Variants in SRPRB observed in about 807,000 individuals in gnomAD.
SRPRB encodes the protein signal recognition particle receptor subunit beta.
In SRPRB, 20 loss-of-function variants were observed where a neutral mutation model predicts 31.9. The ratio of observed to expected loss-of-function variants is 0.63; its 90% CI spans 0.44 to 0.91. The LOEUF is 0.91. Ranked by LOEUF, SRPRB falls within the 40% of genes least tolerant of loss-of-function variation. The probability of loss-of-function intolerance (pLI) is 0.00; values close to 1 mark genes in which losing one functional copy is unlikely to be tolerated. For synonymous variants in SRPRB, 146 were observed against 132.8 expected (o/e 1.10, Z -0.68); for missense variants, 321 against 324.9 (o/e 0.99, Z 0.09).
chr3:133,802,883 C>G (rs1036918795), upstream of SRPRB, among the ~76,000 whole-genome samples: 1 of 152,182 alleles, frequency 6.6e-6, no homozygotes, highest in South Asian at 2.1e-4. Context: ...GCTACTCTTA[C>G]GTTGGATCCA....
chr3:133,819,453 TAGTTA>T, intron 6 of SRPRB, 95 bp from the exon 7 acceptor site: 2 of 1,074,076 alleles, frequency 1.9e-6, no homozygotes, highest in Non-Finnish European at 2.7e-6. Context: ...GGCAATTCTA[TAGTTA>T]AGTTTTAAAT....
chr3:133,811,567 TTATATA>T (rs569217496), intron 4 of SRPRB, among the ~76,000 whole-genome samples: 2 of 150,976 alleles, frequency 1.3e-5, no homozygotes, highest in African/African-American at 4.9e-5. Context: ...CCAACATCAT[TTATATA>T]TATAGTGTTT....
upstream of SRPRB, among the ~76,000 whole-genome samples, chr3:133,804,221 G>C (rs76677689): frequency 4.6e-5 from 7 of 151,830 alleles, no homozygotes; most frequent in South Asian, 6.2e-4. Flanking sequence ...CTCCCAAAGC[G>C]CTGGGATTAA....
At chr3:133,792,667 G>C (rs546594603) in intron 1 of SRPRB, 66 of 152,334 alleles carry the variant, frequency 4.3e-4, no homozygotes, top group African/African-American at 1.5e-3. Flanking sequence ...AGTTACGTAA[G>C]AAAAGTGAAT....
upstream of SRPRB, among the ~76,000 whole-genome samples, chr3:133,802,765 C>T (rs749348444): frequency 4.6e-5 from 7 of 152,114 alleles, no homozygotes; most frequent in Non-Finnish European, 1.0e-4. Context: ...CTAGTATATA[C>T]TTGTGGAACT....
At chr3:133,808,815 G>A (rs1224662884) in intron 3 of SRPRB, among the ~76,000 whole-genome samples, 8 of 150,528 alleles carry the variant, frequency 5.3e-5, no homozygotes, top group South Asian at 2.1e-4. Context: ...ATTTTAACCC[G>A]GGAGGTGGAG....
At chr3:133,800,918 A>G (rs1935052110), upstream of SRPRB, among the ~76,000 whole-genome samples, 1 of 152,240 alleles carries the variant, frequency 6.6e-6, no homozygotes, top group Admixed American at 6.5e-5. Context: ...GCTCTTATCC[A>G]TACAGCCTTC....
At chr3:133,808,662 A>G (rs547046072) in intron 3 of SRPRB, among the ~76,000 whole-genome samples, 2 of 152,124 alleles carry the variant, frequency 1.3e-5, no homozygotes, top group African/African-American at 4.8e-5. Flanking sequence ...AGACCAAGGT[A>G]GGCCGATCAC....
intron 4 of SRPRB, 125 bp downstream of exon 4, chr3:133,811,324 C>A: frequency 1.1e-6 from 1 of 879,976 alleles, no homozygotes; most frequent in African/African-American, 1.7e-5. Context: ...CTTGAGGTGA[C>A]CTTGGGGTCA....
In SRPRB at chr3:133,806,547, C is replaced by G. The variant is rs950355117; in HGVS notation, c.155-62C>G. The G allele has an allele frequency of 1.0e-5, 13 of 1,266,892 alleles. No homozygotes were observed. The African/African-American group carries it at 1.8e-4, about 17-fold the overall frequency. The allele number at this position is 1,266,892 out of a possible 1,614,324, so 78.5% of individuals were successfully genotyped here. A position where few individuals can be genotyped will look rare whatever the true frequency, so the allele number is the denominator to read the frequency against. ...ACTTCTGTGAATTTCCCCACCCCAG[C>G]CATGCACATATACTGATTCCCAAGG... On this transcript the variant is annotated intron_variant, in intron 1 of 6. Transcript: ENST00000678299.
chr3:133,806,925 T>C (rs1239923721), intron 2 of SRPRB, among the ~76,000 whole-genome samples: 1 of 152,178 alleles, frequency 6.6e-6, no homozygotes, highest in South Asian at 2.1e-4. Context: ...TGCCAGATGC[T>C]GATATTTAGT....
chr3:133,799,164 G>A lies in SRPRB; in HGVS notation c.-173-6512G>A, dbSNP rs370095848. ...AAATCTTTCTCTAGAGGGATGTTTC[G>A]CCAAATCTATTATACTTCAAACACA... On this transcript the variant is annotated intron_variant, in intron 1 of 7. Coordinates refer to the SRPRB transcript ENST00000466490. Among the ~76,000 whole-genome samples the A allele has an allele frequency of 1.8e-4, 28 of 152,240 alleles. 1 individual carries two copies. Among genetic ancestry groups the A allele is most frequent in the East Asian group, 5.8e-4 (3 of 5,188 alleles).
At chr3:133,807,138 T>C (rs574466609) in intron 2 of SRPRB, among the ~76,000 whole-genome samples, 2 of 152,198 alleles carry the variant, frequency 1.3e-5, no homozygotes, top group South Asian at 4.1e-4. Flanking sequence ...TTTAATACAT[T>C]TAGTATTTTT....
chr3:133,792,322 G>C (rs1342091460), intron 1 of SRPRB: 1 of 152,248 alleles, frequency 6.6e-6, no homozygotes, highest in African/African-American at 2.4e-5. Flanking sequence ...GCATGTCGTA[G>C]ATGGTCTGTG....
chr3:133,824,796 T>A (rs967718405), downstream of SRPRB: 1 of 152,030 alleles, frequency 6.6e-6, no homozygotes, highest in African/African-American at 2.4e-5. Flanking sequence ...GTAGAGATGG[T>A]CTGAGGAACA....
At chr3:133,818,234 T>G (rs1450701876) in intron 6 of SRPRB, among the ~76,000 whole-genome samples, 1 of 152,240 alleles carries the variant, frequency 6.6e-6, no homozygotes, top group East Asian at 1.9e-4. Context: ...TAATGTTATT[T>G]GTGAATCAGT....
At chr3:133,828,242 A>C, downstream of SRPRB, 2 of 505,960 alleles carry the variant, frequency 4.0e-6, no homozygotes, top group Non-Finnish European at 3.5e-6. Context: ...TGTTCAACCA[A>C]TGTTTGATTT....
intron 1 of SRPRB, chr3:133,784,883 C>A (rs189035616): frequency 6.6e-6 from 1 of 152,416 alleles, no homozygotes; most frequent in East Asian, 1.9e-4. Flanking sequence ...AACCATTGTT[C>A]TGTGTGTGCA....
chr3:133,827,776 G>A (rs1298265035), downstream of SRPRB: 1 of 109,400 alleles, frequency 9.1e-6, no homozygotes, highest in Admixed American at 8.8e-5. Context: ...CCCCATCACA[G>A]AGGATCAACT....
Sources: gnomAD v4.1 joint callset for allele counts (sites outside exome capture counted in the v4.1 genomes callset) on GRCh38, gnomAD v4.1.1 for gene constraint, MANE v1.5 for transcripts, NCBI Gene and HGNC (gene_info 2026-07-23, HGNC 2026-07-21) for gene names.